PLCB1: variants seen among roughly 807,000 people sequenced by gnomAD.
PLCB1 encodes the protein phospholipase C beta 1, also known as 1-phosphatidylinositol 4,5-bisphosphate phosphodiesterase beta-1.
Under a neutral mutation model 161.8 loss-of-function variants are expected in PLCB1, and 46 were observed. That is an observed-to-expected ratio of 0.28 (90% CI 0.22 to 0.36). The LOEUF is 0.36. PLCB1 is among the 10% of genes least tolerant of loss of function. The pLI, the probability that PLCB1 is intolerant of heterozygous loss-of-function variation, is 1.00. For missense variants in PLCB1, 1,016 were observed against 1,472.5 expected (o/e 0.69, Z 5.07); for synonymous variants, 517 against 503.7 (o/e 1.03, Z -0.35).
chr20:8,796,115 G>A (rs1984014973), intron 31 of PLCB1, among the ~76,000 whole-genome samples: 1 of 152,060 alleles, frequency 6.6e-6, no homozygotes. Context: ...TAGAACACAG[G>A]TTTTCTGCTT....
chr20:8,766,545 A>T (rs1219599519), intron 26 of PLCB1, among the ~76,000 whole-genome samples: 1 of 152,216 alleles, frequency 6.6e-6, no homozygotes, highest in African/African-American at 2.4e-5. Context: ...GTGAAACAGG[A>T]TGAGATCAGA....
In PLCB1 at chr20:8,132,873, C is replaced by A; in HGVS notation, c.99+123C>A. On this transcript the variant is annotated intron_variant, in intron 1 of 31. Coordinates refer to ENST00000338037, the MANE Select transcript of PLCB1 (RefSeq NM_015192.4). The surrounding 1 kb of genome is among the most constrained non-coding windows in gnomAD (Gnocchi z 5.2). ...CACTGGGAGCGGGCAGGGGCAGCCT[C>A]GGGCGCACAGGTTGGCATCTGCCAA... The A allele has an allele frequency of 1.4e-6, 1 of 690,200 alleles. No individual in the cohort carries two copies. The highest frequency in any genetic ancestry group is 2.6e-6 in the Non-Finnish European group (1 of 391,378). The allele number at this position is 690,200 out of a possible 1,614,324, so 42.8% of individuals were successfully genotyped here. A position where few individuals can be genotyped will look rare whatever the true frequency, so the allele number is the denominator to read the frequency against.
At chr20:8,628,172 T>C (rs575962035) in intron 3 of PLCB1, 122 bp from the exon 4 acceptor site, 2 of 774,388 alleles carry the variant, frequency 2.6e-6, no homozygotes, top group African/African-American at 3.5e-5. Flanking sequence ...CTCCTACAAT[T>C]TTCTAGTAAG....
At chr20:8,736,277 G>T (rs1980578075) in intron 19 of PLCB1, among the ~76,000 whole-genome samples, 1 of 152,196 alleles carries the variant, frequency 6.6e-6, no homozygotes, top group South Asian at 2.1e-4. Context: ...AACAGAGGCA[G>T]ACATGGAAGA....
At chr20:8,489,196 G>A (rs1982847626) in intron 3 of PLCB1, among the ~76,000 whole-genome samples, 1 of 152,098 alleles carries the variant, frequency 6.6e-6, no homozygotes, top group Non-Finnish European at 1.5e-5. Flanking sequence ...AGGGGGGTTA[G>A]GGGCAAGCAC....
chr20:8,431,115 A>T (rs961529300), intron 3 of PLCB1, among the ~76,000 whole-genome samples: 18 of 152,146 alleles, frequency 1.2e-4, no homozygotes, highest in Non-Finnish European at 2.5e-4. Context: ...TACATTAACA[A>T]ACTTACATTG....
chr20:8,630,148 C>T (rs952621447), intron 4 of PLCB1, among the ~76,000 whole-genome samples: 1 of 148,974 alleles, frequency 6.7e-6, no homozygotes, highest in Non-Finnish European at 1.5e-5. Context: ...GGCTCCTGCA[C>T]TCCACTTGGC....
intron 10 of PLCB1, among the ~76,000 whole-genome samples, chr20:8,695,944 G>A (rs995339290): frequency 6.6e-6 from 1 of 152,046 alleles, no homozygotes; most frequent in African/African-American, 2.4e-5. Context: ...GACCTTTCAG[G>A]TGCCTTCATT....
chr20:8,739,013 G>A (rs1488347789), intron 20 of PLCB1, among the ~76,000 whole-genome samples: 3 of 152,154 alleles, frequency 2.0e-5, no homozygotes, highest in South Asian at 4.1e-4. Flanking sequence ...TTAGTCAGGT[G>A]TGGGGGCATG....
At chr20:8,739,141 ACT>A in intron 20 of PLCB1, 118 bp from the exon 21 acceptor site, 1 of 708,422 alleles carries the variant, frequency 1.4e-6, no homozygotes, top group South Asian at 1.6e-5. Flanking sequence ...ACACAGCAAG[ACT>A]CTATCTCAAA....
intron 31 of PLCB1, among the ~76,000 whole-genome samples, chr20:8,856,775 T>C (rs1374903563): frequency 6.6e-6 from 1 of 152,220 alleles, no homozygotes; most frequent in Non-Finnish European, 1.5e-5. Context: ...CTGGTATTGA[T>C]CTGAGTGCTG....
intron 31 of PLCB1, among the ~76,000 whole-genome samples, chr20:8,856,854 T>C (rs772206182): frequency 7.2e-5 from 11 of 152,154 alleles, no homozygotes; most frequent in Non-Finnish European, 1.2e-4. Flanking sequence ...CAGTTAGCTA[T>C]TGCTGTATAA....
At chr20:8,215,914 A>G (rs926974473) in intron 2 of PLCB1, among the ~76,000 whole-genome samples, 1 of 152,032 alleles carries the variant, frequency 6.6e-6, no homozygotes, top group African/African-American at 2.4e-5. Flanking sequence ...TAAGAGAGAA[A>G]TCTACTTTAT....
chr20:8,268,778 T>G (rs1982117250), intron 2 of PLCB1, among the ~76,000 whole-genome samples: 1 of 152,226 alleles, frequency 6.6e-6, no homozygotes, highest in African/African-American at 2.4e-5. Flanking sequence ...TTGAGAAGTG[T>G]CTGTTCATTT....
intron 2 of PLCB1, among the ~76,000 whole-genome samples, chr20:8,168,321 T>C (rs2051695673): frequency 6.6e-6 from 1 of 152,200 alleles, no homozygotes. Context: ...TAGAAGATTG[T>C]CTCTCTGATG....
chr20:8,632,300 G>A (rs189210042), intron 4 of PLCB1, among the ~76,000 whole-genome samples: 59 of 152,054 alleles, frequency 3.9e-4, no homozygotes, highest in Admixed American at 9.2e-4. Flanking sequence ...CTTCAAGCCC[G>A]TTGACAGTTT....
chr20:8,195,932 A>C (rs766650196), intron 2 of PLCB1, among the ~76,000 whole-genome samples: 1 of 152,240 alleles, frequency 6.6e-6, no homozygotes, highest in Non-Finnish European at 1.5e-5. Flanking sequence ...ATTGGCTCAC[A>C]GTTCTGCTTG....
At chr20:8,152,475 G>T (rs2051519076) in intron 2 of PLCB1, among the ~76,000 whole-genome samples, 1 of 152,110 alleles carries the variant, frequency 6.6e-6, no homozygotes, top group African/African-American at 2.4e-5. Context: ...GGCATGCCAA[G>T]CTTTTAGTGG....
chr20:8,584,908 C>T (rs996465640), intron 3 of PLCB1, among the ~76,000 whole-genome samples: 14 of 152,168 alleles, frequency 9.2e-5, no homozygotes, highest in African/African-American at 2.7e-4. Flanking sequence ...TCAGGCTGGT[C>T]TTGATCTCCT....
Sources: allele counts gnomAD v4.1 joint callset (sites outside exome capture counted in the v4.1 genomes callset), GRCh38; gene constraint gnomAD v4.1.1; non-coding constraint Gnocchi (gnomAD v3.1); transcripts MANE v1.5; gene names NCBI Gene and HGNC (gene_info 2026-07-23, HGNC 2026-07-21).